TMEM232: variants seen among roughly 807,000 people sequenced by gnomAD.
TMEM232 encodes the protein transmembrane protein 232.
A neutral mutation model predicts 78.8 loss-of-function variants in TMEM232; 80 were observed. The ratio of observed to expected loss-of-function variants is 1.01; its 90% confidence interval spans 0.85 to 1.22. The LOEUF is 1.22. TMEM232 is among the 50% of genes most tolerant of loss of function. The probability of loss-of-function intolerance (pLI) is 0.00; values close to 1 mark genes in which losing one functional copy is unlikely to be tolerated. For missense variants in TMEM232, 881 were observed against 742.2 expected, an observed-to-expected ratio of 1.19 and a Z score of -2.17; for synonymous variants, 297 against 254.3, an observed-to-expected ratio of 1.17 and a Z score of -1.60.
intron 12 of TMEM232, among the ~76,000 whole-genome samples, chr5:110,505,464 T>C (rs911789390): frequency 1.3e-5 from 2 of 152,168 alleles, no homozygotes; most frequent in African/African-American, 4.8e-5. Context: ...AAAATCGTTC[T>C]AAAGTACCCA....
chr5:110,485,399 C>T (rs1404284034), intron 12 of TMEM232, among the ~76,000 whole-genome samples: 1 of 152,052 alleles, frequency 6.6e-6, no homozygotes, highest in Non-Finnish European at 1.5e-5. Flanking sequence ...GTGCACCCAT[C>T]ACCTGAGAAG....
chr5:110,554,092 T>C (rs1454668819), intron 11 of TMEM232, among the ~76,000 whole-genome samples: 2 of 152,126 alleles, frequency 1.3e-5, no homozygotes, highest in African/African-American at 2.4e-5. Context: ...GTCAACTTGA[T>C]TGGATTGAAG....
At chr5:110,424,958 T>C in intron 12 of TMEM232, 42 bp from the exon 13 acceptor site, 1 of 1,330,900 alleles carries the variant, frequency 7.5e-7, no homozygotes, top group Non-Finnish European at 1.0e-6. Context: ...TAGGTATAGG[T>C]ACTCCTATTC....
intron 1 of TMEM232, among the ~76,000 whole-genome samples, chr5:110,681,945 T>C (rs563357565): frequency 1.3e-5 from 2 of 152,338 alleles, no homozygotes; most frequent in African/African-American, 4.8e-5. Flanking sequence ...TATTTCATGA[T>C]ATTTCATAGT....
At chr5:110,705,427 T>G (rs749072361) in intron 1 of TMEM232, among the ~76,000 whole-genome samples, 3 of 152,196 alleles carry the variant, frequency 2.0e-5, no homozygotes, top group Middle Eastern at 3.4e-3. Context: ...GGTTGGAAGC[T>G]GCATGGAAAG....
chr5:110,658,993 G>C (rs960091890), intron 2 of TMEM232, among the ~76,000 whole-genome samples: 5 of 152,082 alleles, frequency 3.3e-5, no homozygotes, highest in Admixed American at 1.3e-4. Context: ...TTGGGGAAGA[G>C]CTCACCTGAA....
chr5:110,570,685 T>G (rs967307215), intron 10 of TMEM232, among the ~76,000 whole-genome samples: 1 of 151,944 alleles, frequency 6.6e-6, no homozygotes, highest in African/African-American at 2.4e-5. Flanking sequence ...CTGTAATAGC[T>G]TCCTAGTTCT....
At chr5:110,507,287 T>A (rs942021748) in intron 12 of TMEM232, among the ~76,000 whole-genome samples, 1 of 152,186 alleles carries the variant, frequency 6.6e-6, no homozygotes, top group Admixed American at 6.5e-5. Flanking sequence ...CATAACAGTA[T>A]GCATAACGTG....
At chr5:110,604,175 C>T (rs1293244300) in intron 10 of TMEM232, among the ~76,000 whole-genome samples, 2 of 152,038 alleles carry the variant, frequency 1.3e-5, no homozygotes, top group African/African-American at 2.4e-5. Context: ...GAATCACATA[C>T]ACAATAGACT....
chr5:110,679,575 A>C (rs559309933), intron 1 of TMEM232, among the ~76,000 whole-genome samples: 1 of 152,158 alleles, frequency 6.6e-6, no homozygotes, highest in Admixed American at 6.5e-5. Flanking sequence ...ATTTGGTGTC[A>C]TATCTAAAAA....
chr5:110,423,374 C>T (rs1308916402), intron 13 of TMEM232, among the ~76,000 whole-genome samples: 5 of 152,102 alleles, frequency 3.3e-5, no homozygotes, highest in African/African-American at 1.2e-4. Context: ...ACTGCAAGAG[C>T]ATTTTTGTAA....
downstream of TMEM232, among the ~76,000 whole-genome samples, chr5:110,415,941 C>T (rs311701): frequency 0.27 from 41,514 of 151,852 alleles, 9,357 homozygotes; most frequent in African/African-American, 0.61. Context: ...GATCTTCCAA[C>T]TAAAAAATGT....
At chr5:110,632,145 T>C (rs1580433909) in intron 5 of TMEM232, among the ~76,000 whole-genome samples, 1 of 152,182 alleles carries the variant, frequency 6.6e-6, no homozygotes, top group African/African-American at 2.4e-5. Flanking sequence ...TGATGCTGTT[T>C]ACAGCCAAAG....
intron 12 of TMEM232, among the ~76,000 whole-genome samples, chr5:110,508,575 G>T (rs1767240470): frequency 6.6e-6 from 1 of 150,658 alleles, no homozygotes; most frequent in Non-Finnish European, 1.5e-5. Flanking sequence ...ATTCCTCATG[G>T]AGTCCATATT....
chr5:110,523,219 T>A (rs1357858728), intron 12 of TMEM232, among the ~76,000 whole-genome samples: 2 of 152,184 alleles, frequency 1.3e-5, no homozygotes, highest in East Asian at 3.8e-4. Context: ...TCTCTTATGA[T>A]CCTTATATTT....
intron 12 of TMEM232, among the ~76,000 whole-genome samples, chr5:110,466,756 G>T (rs1258624557): frequency 6.6e-6 from 1 of 151,838 alleles, no homozygotes; most frequent in African/African-American, 2.4e-5. Flanking sequence ...GGGACTACAG[G>T]TGCCCACCAC....
chr5:110,506,191 G>A (rs1048594047), intron 12 of TMEM232, among the ~76,000 whole-genome samples: 2 of 152,126 alleles, frequency 1.3e-5, no homozygotes, highest in Non-Finnish European at 2.9e-5. Context: ...AAAAGTGGAT[G>A]TTAAACTGAC....
At chr5:110,699,509 T>C (rs1316868844) in intron 1 of TMEM232, among the ~76,000 whole-genome samples, 3 of 152,060 alleles carry the variant, frequency 2.0e-5, no homozygotes, top group Non-Finnish European at 2.9e-5. Flanking sequence ...GGTTTACTTA[T>C]GGGCACAATT....
At chr5:110,472,105 G>A (rs772040828) in intron 12 of TMEM232, among the ~76,000 whole-genome samples, 22 of 151,874 alleles carry the variant, frequency 1.4e-4, no homozygotes, top group African/African-American at 4.1e-4. Flanking sequence ...GGAGGAAGTC[G>A]AACTGTCCTG....
Sources: gnomAD v4.1 joint callset for allele counts (sites outside exome capture counted in the v4.1 genomes callset) on GRCh38, gnomAD v4.1.1 for gene constraint, MANE v1.5 for transcripts, NCBI Gene and HGNC (gene_info 2026-07-23, HGNC 2026-07-21) for gene names.